RAB6A: variants seen among roughly 807,000 people sequenced by gnomAD.
RAB6A encodes the protein RAB6A, member RAS oncogene family.
In RAB6A, 8 loss-of-function variants were observed where a neutral mutation model predicts 32.3. That is an observed-to-expected ratio of 0.25 (90% CI 0.15 to 0.45). The LOEUF is 0.45. Among genes scored for constraint, RAB6A ranks in the 20% least tolerant of loss-of-function variants. The probability of loss-of-function intolerance (pLI) is 1.00; values close to 1 mark genes in which losing one functional copy is unlikely to be tolerated. For missense variants in RAB6A, 104 were observed against 249.4 expected, an observed-to-expected ratio of 0.42 and a Z score of 3.93; for synonymous variants, 73 against 82.1, an observed-to-expected ratio of 0.89 and a Z score of 0.60.
chr11:73,746,168 A>G (rs886206510), intron 1 of RAB6A, among the ~76,000 whole-genome samples: 2 of 143,510 alleles, frequency 1.4e-5, no homozygotes, highest in South Asian at 2.1e-4. Flanking sequence ...AATTTAAAAG[A>G]AAAAAAAAAA....
In RAB6A at chr11:73,716,376, G is replaced by A. The variant is rs767750295; in HGVS notation, c.290-14C>T. ...ATGAGTTAACATCTAGTATAGGAGG[G>A]TAGACAGAGAGATTAGTGTTGCTGA... On this transcript the variant is annotated splice_polypyrimidine_tract_variant and intron_variant, in intron 4 of 7. Coordinates refer to ENST00000336083, the MANE Select transcript of RAB6A (RefSeq NM_198896.2). 2 of 1,584,594 alleles carry A rather than the reference G, an allele frequency of 1.3e-6. No individual in the cohort carries two copies. The highest frequency in any genetic ancestry group is 1.7e-5 in the Admixed American group (1 of 59,614).
intron 1 of RAB6A, among the ~76,000 whole-genome samples, chr11:73,740,300 G>A (rs1388347534): frequency 6.6e-6 from 1 of 152,060 alleles, no homozygotes; most frequent in Non-Finnish European, 1.5e-5. Flanking sequence ...CCAAGCAAAA[G>A]ACACTATCTA....
intron 1 of RAB6A, among the ~76,000 whole-genome samples, chr11:73,737,340 T>G (rs1253463881): frequency 6.6e-6 from 1 of 151,912 alleles, no homozygotes; most frequent in Non-Finnish European, 1.5e-5. Flanking sequence ...TAAAATTTAC[T>G]AGAGTGTGGT....
intron 6 of RAB6A, among the ~76,000 whole-genome samples, chr11:73,687,268 A>G (rs1042694724): frequency 3.3e-5 from 5 of 152,170 alleles, no homozygotes; most frequent in Admixed American, 2.6e-4. Context: ...CAGAATGTCA[A>G]TTTTACAAGA....
intron 1 of RAB6A, among the ~76,000 whole-genome samples, chr11:73,753,984 C>T (rs1234693720): frequency 6.6e-6 from 1 of 152,256 alleles, no homozygotes; most frequent in African/African-American, 2.4e-5. Context: ...CTGAGCACTT[C>T]TCATGTGCCC....
intron 1 of RAB6A, among the ~76,000 whole-genome samples, chr11:73,751,218 G>A (rs921308120): frequency 6.6e-6 from 1 of 152,108 alleles, no homozygotes. Context: ...GTTCCGGGCT[G>A]TAGTACGCTA....
chr11:73,710,753 A>ATT (rs200147374), intron 5 of RAB6A, among the ~76,000 whole-genome samples: 3 of 141,652 alleles, frequency 2.1e-5, no homozygotes, highest in Non-Finnish European at 1.6e-5. Context: ...AAAAAAGTTA[A>ATT]TTTTTTTTTT....
At chr11:73,699,910 C>T (rs1437413640) in intron 6 of RAB6A, among the ~76,000 whole-genome samples, 1 of 152,130 alleles carries the variant, frequency 6.6e-6, no homozygotes, top group African/African-American at 2.4e-5. Context: ...TATACTATTT[C>T]AGCCAATATA....
chr11:73,752,462 A>C (rs536659836), intron 1 of RAB6A, among the ~76,000 whole-genome samples: 1 of 152,254 alleles, frequency 6.6e-6, no homozygotes, highest in East Asian at 1.9e-4. Context: ...TCTCAAAAAA[A>C]CAAAAACACA....
chr11:73,747,149 A>C (rs1000076706), intron 1 of RAB6A, among the ~76,000 whole-genome samples: 3 of 152,038 alleles, frequency 2.0e-5, no homozygotes, highest in Non-Finnish European at 4.4e-5. Context: ...AAAGCTATAA[A>C]AATAGTACAG....
chr11:73,724,899 TTGTTCAC>T (rs1308628693), intron 2 of RAB6A, among the ~76,000 whole-genome samples: 4 of 152,304 alleles, frequency 2.6e-5, no homozygotes, highest in Admixed American at 2.6e-4. Flanking sequence ...GTTGGTTGAT[TTGTTCAC>T]TGCAGTATGC....
intron 1 of RAB6A, among the ~76,000 whole-genome samples, chr11:73,753,110 C>T (rs1256427216): frequency 6.6e-6 from 1 of 151,984 alleles, no homozygotes; most frequent in African/African-American, 2.4e-5. Context: ...ATCAGCCGAG[C>T]GCAATGGCGA....
At chr11:73,679,591 G>T in intron 7 of RAB6A, 63 bp downstream of exon 7, 2 of 1,583,928 alleles carry the variant, frequency 1.3e-6, no homozygotes, top group Non-Finnish European at 1.7e-6. Flanking sequence ...CTTTAGCCAA[G>T]CAAGCAGGGC....
chr11:73,743,260 G>C (rs923537345), intron 1 of RAB6A, among the ~76,000 whole-genome samples: 2 of 147,462 alleles, frequency 1.4e-5, no homozygotes, highest in African/African-American at 5.0e-5. Flanking sequence ...ACCCAAGATT[G>C]CGCCACCGCA....
chr11:73,737,824 C>G (rs368377198), intron 1 of RAB6A, among the ~76,000 whole-genome samples: 1 of 151,698 alleles, frequency 6.6e-6, no homozygotes, highest in South Asian at 2.1e-4. Flanking sequence ...GAAACCCCGT[C>G]TCTACTTAAA....
chr11:73,732,049 T>G (rs1365158552), intron 1 of RAB6A, among the ~76,000 whole-genome samples: 1 of 151,852 alleles, frequency 6.6e-6, no homozygotes, highest in Non-Finnish European at 1.5e-5. Flanking sequence ...TGTATTGATA[T>G]TTTTAGGTTA....
In RAB6A at chr11:73,722,305, G is replaced by GTGTGTATGTATATATATATATA. The variant is rs1238666420; in HGVS notation, c.130-1407_130-1406insTATATATATATATACATACACA. 9 of 42,364 alleles carry GTGTGTATGTATATATATATATA rather than the reference G, an allele frequency of 2.1e-4. 1 individual carries two copies. The highest frequency in any genetic ancestry group is 7.9e-4 in the African/African-American group (8 of 10,112). The allele number at this position is 42,364 out of a possible 1,614,324, so 2.6% of individuals were successfully genotyped here. A position where few individuals can be genotyped will look rare whatever the true frequency, so the allele number is the denominator to read the frequency against. On this transcript the variant is annotated intron_variant, in intron 2 of 7. Coordinates refer to ENST00000336083, the MANE Select transcript of RAB6A (RefSeq NM_198896.2). ...AAAATTCAAATATATATGTGTGTGT[G>GTGTGTATGTATATATATATATA]TATATATATATATATATATATATAT... is the stretch of plus-strand genomic sequence containing the variant.
Position 73,713,590 on chromosome 11 carries a change from T to C in RAB6A, c.401+2661A>G, listed in dbSNP as rs142607548. On this transcript the variant is annotated intron_variant, in intron 5 of 7. Coordinates refer to ENST00000336083, the MANE Select transcript of RAB6A (RefSeq NM_198896.2). ...CAAAAAAAAAAAAAAAAGAAAATAC[T>C]GTGTGCATTTAAATCTTCTGAATCA... Among the ~76,000 whole-genome samples, 999 of 151,564 alleles carry C rather than the reference T, an allele frequency of 6.6e-3. 14 individuals carry two copies. The highest frequency in any genetic ancestry group is 0.023 in the African/African-American group (956 of 41,378).
intron 2 of RAB6A, 108 bp downstream of exon 2, chr11:73,730,657 G>T (rs778989590): frequency 1.2e-6 from 1 of 852,926 alleles, no homozygotes. Context: ...ACAGATTATA[G>T]AAAGTACTTT....
Sources: gnomAD v4.1 joint callset for allele counts (sites outside exome capture counted in the v4.1 genomes callset) on GRCh38, gnomAD v4.1.1 for gene constraint, MANE v1.5 for transcripts, NCBI Gene and HGNC (gene_info 2026-07-23, HGNC 2026-07-21) for gene names.